The following SF3B4 variants were observed in gnomAD, a reference collection of about 807,000 sequenced individuals.
SF3B4 encodes SAP 49.
A neutral mutation model predicts 34.3 loss-of-function variants in SF3B4; 3 were observed. The observed-to-expected ratio is 0.09, with a 90% CI of 0.04 to 0.23. The LOEUF is 0.23. Ranked by LOEUF, SF3B4 falls within the 10% of genes least tolerant of loss-of-function variation. The pLI, the probability that SF3B4 is intolerant of heterozygous loss-of-function variation, is 1.00. For missense variants in SF3B4, 283 were observed against 567.2 expected (o/e 0.50, Z 5.09); for synonymous variants, 216 against 207.8 (o/e 1.04, Z -0.34).
chr1:149,927,792 G>C lies in SF3B4; in HGVS notation c.-33C>G, dbSNP rs587705685. ...GAGATCCCGCCGTCTCCCAGCAGCG[G>C]TTCCGCCTTCTGACCTCAGCACGAC... is the stretch of plus-strand genomic sequence containing the variant. On this transcript the variant is annotated 5_prime_UTR_variant, in exon 1 of 6. Transcript: ENST00000271628. 6 of 1,551,696 alleles carry C rather than the reference G, an allele frequency of 3.9e-6. No homozygotes were observed. Among genetic ancestry groups the C allele is most frequent in the Non-Finnish European group, 5.2e-6 (6 of 1,147,136 alleles).
intron 4 of SF3B4, 36 bp downstream of exon 4, chr1:149,925,800 A>C (rs2092586400): frequency 6.6e-7 from 1 of 1,526,296 alleles, no homozygotes; most frequent in African/African-American, 1.4e-5. Flanking sequence ...TGCTCTACCA[A>C]GCTCTTCCCT....
intron 4 of SF3B4, 94 bp downstream of exon 4, chr1:149,925,742 C>T: frequency 1.1e-6 from 1 of 914,768 alleles, no homozygotes; most frequent in Non-Finnish European, 1.8e-6. Flanking sequence ...AACTCTGAAA[C>T]TGTTACTGTT....
At position 149,925,684 on chromosome 1, in the gene SF3B4, A is replaced by T. The variant is rs1553765891; in HGVS notation, c.913+152T>A. On this transcript the variant is annotated intron_variant, in intron 4 of 5. Transcript: ENST00000271628. ...AAATGGATTCAGGGTGGTAGATGTTAGAGAGCATTTTGTATGTTTTTATAA... is the reference window on the plus strand; with the variant it reads ...AAATGGATTCAGGGTGGTAGATGTTTGAGAGCATTTTGTATGTTTTTATAA... 6.9e-6 allele frequency: 5 copies of T among 726,634 alleles called. No individual in the cohort carries two copies. The Admixed American group carries it at 1.0e-4, about 15-fold the overall frequency. The allele number at this position is 726,634 out of a possible 1,614,324, so 45.0% of individuals were successfully genotyped here.
chr1:149,927,791 G>C lies in SF3B4; in HGVS notation c.-32C>G. 1 of 1,551,794 alleles carries C rather than the reference G, an allele frequency of 6.4e-7. No homozygotes were observed. Among genetic ancestry groups the C allele is most frequent in the Non-Finnish European group, 8.7e-7 (1 of 1,147,122 alleles). ...AGAGATCCCGCCGTCTCCCAGCAGCGGTTCCGCCTTCTGACCTCAGCACGA... is the reference window on the plus strand; with the variant it reads ...AGAGATCCCGCCGTCTCCCAGCAGCCGTTCCGCCTTCTGACCTCAGCACGA... On this transcript the variant is annotated 5_prime_UTR_variant, in exon 1 of 6. Transcript: ENST00000271628.
At chr1:149,927,471 G>A in intron 1 of SF3B4, 177 bp from the exon 2 acceptor site, 2 of 794,376 alleles carry the variant, frequency 2.5e-6, no homozygotes, top group Non-Finnish European at 3.9e-6. Flanking sequence ...GGAATCCTCT[G>A]AAGTCTAATT....
rs1254829969 is a variant in SF3B4, at chr1:149,927,776, C to G, written c.-17G>C. 2 of 1,551,892 alleles carry G rather than the reference C, an allele frequency of 1.3e-6. No homozygotes were observed. Among genetic ancestry groups the G allele is most frequent in the Admixed American group, 2.0e-5 (1 of 51,108 alleles). On this transcript the variant is annotated 5_prime_UTR_variant, in exon 1 of 6. Transcript: ENST00000271628. ...GGCAGCCATGGCGAAAGAGATCCCG[C>G]CGTCTCCCAGCAGCGGTTCCGCCTT...
At chr1:149,927,366 G>A (rs1335390235) in intron 1 of SF3B4, 72 bp from the exon 2 acceptor site, 2 of 1,579,386 alleles carry the variant, frequency 1.3e-6, no homozygotes, top group African/African-American at 1.3e-5. Context: ...GAAACATGAA[G>A]ATGGAACCCA....
At position 149,923,396 on chromosome 1, in the gene SF3B4, G is replaced by A; in HGVS notation, c.*146C>T. On this transcript the variant is annotated 3_prime_UTR_variant, in exon 6 of 6. Coordinates refer to ENST00000271628, the MANE Select transcript of SF3B4 (RefSeq NM_005850.5). The stretch of plus-strand genomic sequence containing the variant: ...AACATAAAAAAGAAATACCTCCTGT[G>A]GAAAAAGTTACATTAAAAAGGGGAA... 1.6e-6 allele frequency: 1 copy of A among 614,430 alleles called. No individual in the cohort carries two copies. Among genetic ancestry groups the A allele is most frequent in the Non-Finnish European group, 2.8e-6 (1 of 362,266 alleles). The allele number at this position is 614,430 out of a possible 1,614,324, so 38.1% of individuals were successfully genotyped here.
intron 4 of SF3B4, among the ~76,000 whole-genome samples, chr1:149,925,198 TAGA>T (rs1338467860): frequency 8.1e-5 from 12 of 148,822 alleles, no homozygotes; most frequent in African/African-American, 2.9e-4. Context: ...AAAAGAACAC[TAGA>T]AGAAGAATGG....
intron 1 of SF3B4, 100 bp downstream of exon 1, chr1:149,927,626 G>A (rs782109374): frequency 5.5e-6 from 8 of 1,455,740 alleles, no homozygotes; most frequent in East Asian, 5.0e-5. Flanking sequence ...CTCTGGGGAA[G>A]GGAGGAGTCC....
At position 149,926,238 on chromosome 1, in the gene SF3B4, A is replaced by T; in HGVS notation, c.706+138T>A. ...AAACCCAACAACTTTCTTCTTCACC[A>T]CTACCATCACCCCTCAGTCCTCTTC... is the stretch of plus-strand genomic sequence containing the variant. On this transcript the variant is annotated intron_variant, in intron 3 of 5. Coordinates refer to ENST00000271628, the MANE Select transcript of SF3B4 (RefSeq NM_005850.5). The surrounding 1 kb of genome is among the most constrained non-coding windows in gnomAD (Gnocchi z 6.2). 1.2e-6 allele frequency: 1 copy of T among 808,372 alleles called. No homozygotes were observed. Among genetic ancestry groups the T allele is most frequent in the South Asian group, 1.9e-5 (1 of 53,356 alleles). 50.1% of individuals were successfully genotyped at this position (808,372 alleles called of 1,614,324 possible).
chr1:149,927,554 C>A, intron 1 of SF3B4, 172 bp downstream of exon 1: 1 of 850,740 alleles, frequency 1.2e-6, no homozygotes, highest in Admixed American at 2.6e-5. Context: ...GTATCACACC[C>A]AGAGGCCTCA....
chr1:149,925,797 C>G, intron 4 of SF3B4, 39 bp downstream of exon 4: 2 of 1,513,336 alleles, frequency 1.3e-6, no homozygotes, highest in Non-Finnish European at 1.8e-6. Flanking sequence ...AGATGCTCTA[C>G]CAAGCTCTTC....
Position 149,923,593 on chromosome 1 carries a change from G to A in SF3B4, c.1224C>T (p.Pro408=). Residue 408 remains proline (P), a synonymous_variant, in exon 6 of 6, where the codon CCC becomes CCT. Transcript: ENST00000271628. ...RGPLPPPRPT[P]RPPVPPRGPL... ...GGCCTCGAGGGGGAACTGGTGGCCG[G>A]GGAGTGGGTCTGGGTGGAGGGAGAG... is the stretch of plus-strand genomic sequence containing the variant. The A allele has an allele frequency of 1.3e-6, 2 of 1,555,226 alleles. No homozygotes were observed. Among genetic ancestry groups the A allele is most frequent in the Non-Finnish European group, 8.6e-7 (1 of 1,161,388 alleles).
chr1:149,926,930 G>C lies in SF3B4; in HGVS notation c.164-12C>G. 6.3e-7 allele frequency: 1 copy of C among 1,586,880 alleles called. No individual in the cohort carries two copies. ...CACAAAGCCATAGCCTGGAAAAGTG[G>C]AGAAGAGGAGGTTAACAACGTAAGT... On this transcript the variant is annotated splice_polypyrimidine_tract_variant and intron_variant, in intron 2 of 5. Transcript: ENST00000271628. The surrounding 1 kb of genome is among the most constrained non-coding windows in gnomAD (Gnocchi z 6.2).
At chr1:149,927,337 G>T in intron 1 of SF3B4, 43 bp from the exon 2 acceptor site, 8 of 1,605,204 alleles carry the variant, frequency 5.0e-6, no homozygotes, top group Non-Finnish European at 6.8e-6. Flanking sequence ...AGAGTGTAAC[G>T]GGAAGGAAGG....
chr1:149,923,576 G>A lies in SF3B4; in HGVS notation c.1241C>T (p.Pro414Leu). ...PRPTPRPPVP[P>L]RGPLRGPLPQ ...GAGAGGGCCTCGAAGTGGGCCTCGA[G>A]GGGGAACTGGTGGCCGGGGAGTGGG... Residue 414 changes from proline (P) to leucine (L), a missense_variant, in exon 6 of 6, where the codon CCT (proline) becomes CTT (leucine). Around this residue, in one of 4 missense-constraint regions of SF3B4, gnomAD observed 208 missense variants for 292.6 expected, o/e 0.71. Coordinates refer to ENST00000271628, the MANE Select transcript of SF3B4 (RefSeq NM_005850.5). 4 of 1,562,294 alleles carry A rather than the reference G, an allele frequency of 2.6e-6. No individual in the cohort carries two copies. In the South Asian group the frequency reaches 4.9e-5, roughly 19 times the overall value.
Position 149,926,970 on chromosome 1 carries a change from T to C in SF3B4, c.164-52A>G, listed in dbSNP as rs1553766111. ...ACAACGTAAGTAAAGAGACTGAAAATGGGGTAAAATTCATCTACCCTCTAA... is the reference window on the plus strand; with the variant it reads ...ACAACGTAAGTAAAGAGACTGAAAACGGGGTAAAATTCATCTACCCTCTAA... On this transcript the variant is annotated intron_variant, in intron 2 of 5. Coordinates refer to ENST00000271628, the MANE Select transcript of SF3B4 (RefSeq NM_005850.5). This position sits in a 1 kb window ranked among gnomAD's most constrained non-coding sequence, Gnocchi z 6.2. 6.6e-7 allele frequency: 1 copy of C among 1,520,584 alleles called. No homozygotes were observed. Among genetic ancestry groups the C allele is most frequent in the East Asian group, 2.3e-5 (1 of 44,118 alleles). The allele number at this position is 1,520,584 out of a possible 1,614,324, so 94.2% of individuals were successfully genotyped here. A position where few individuals can be genotyped will look rare whatever the true frequency, so the allele number is the denominator to read the frequency against.
rs781792461 is a variant in SF3B4, at chr1:149,925,918, C to T, written c.831G>A (p.Ser277=). 15 of 1,583,908 alleles carry T rather than the reference C, an allele frequency of 9.5e-6. No homozygotes were observed. The highest frequency in any genetic ancestry group is 1.2e-5 in the Non-Finnish European group (14 of 1,162,450). ...PPGAAGHGPP[S]AGTPGAGHPG... Reference sequence around the variant, plus strand: ...GATGTCCTGCCCCTGGGGTTCCTGCCGATGGGGGGCCATGTCCTGCAGCCC... The same window carrying T: ...GATGTCCTGCCCCTGGGGTTCCTGCTGATGGGGGGCCATGTCCTGCAGCCC... The change falls in exon 4 of 6, where the codon TCG becomes TCA. Residue 277 remains serine (S), a synonymous_variant. Transcript: ENST00000271628.
Sources: gnomAD v4.1 joint callset for allele counts (sites outside exome capture counted in the v4.1 genomes callset) on GRCh38, gnomAD v4.1.1 for gene constraint, gnomAD v4.1.1 regional missense constraint, Gnocchi (gnomAD v3.1) non-coding constraint, MANE v1.5 for transcripts, NCBI Gene and HGNC (gene_info 2026-07-23, HGNC 2026-07-21) for gene names.